Variants in USP42 observed in about 807,000 individuals in gnomAD.
The protein encoded by USP42 is ubiquitin specific peptidase 42, also known as ubiquitin carboxyl-terminal hydrolase 42.
In USP42, 23 loss-of-function variants were observed where a neutral mutation model predicts 113.0. The observed-to-expected ratio is 0.20, with a 90% CI of 0.15 to 0.29. The LOEUF (loss-of-function observed/expected upper bound fraction) is 0.29. Ranked by LOEUF, USP42 falls within the 10% of genes least tolerant of loss-of-function variation. The pLI is 1.00. For synonymous variants in USP42, 933 were observed against 699.0 expected, an observed-to-expected ratio of 1.33 and a Z score of -5.28; for missense variants, 2,174 against 1,779.8, an observed-to-expected ratio of 1.22 and a Z score of -3.99.
the USP42 span, among the ~76,000 whole-genome samples, chr7:6,091,271 C>T: frequency 1.3e-5 from 2 of 150,922 alleles, 1 homozygote; most frequent in African/African-American, 5.0e-5. Context: ...GTTGCCCAGG[C>T]TGGAGTGAAA....
intron 2 of USP42, among the ~76,000 whole-genome samples, chr7:6,112,470 AAAG>A (rs1486778969): frequency 6.6e-6 from 1 of 152,148 alleles, no homozygotes. Flanking sequence ...AAGAAAAAAA[AAAG>A]AGAGCATGTA....
intron 2 of USP42, chr7:6,112,004 C>G (rs764738787): frequency 2.6e-5 from 4 of 152,244 alleles, no homozygotes; most frequent in African/African-American, 9.7e-5. Flanking sequence ...AGTAGTTATT[C>G]TAGTTTCCTA....
intron 3 of USP42, among the ~76,000 whole-genome samples, chr7:6,124,031 G>A (rs978714495): frequency 2.0e-5 from 3 of 151,872 alleles, no homozygotes; most frequent in Admixed American, 1.3e-4. Context: ...ATGCGCCGCC[G>A]TGCCCGGCTA....
intron 3 of USP42, among the ~76,000 whole-genome samples, chr7:6,125,889 C>T (rs913381991): frequency 6.6e-6 from 1 of 151,344 alleles, no homozygotes; most frequent in African/African-American, 2.4e-5. Context: ...TTTGTGGTAA[C>T]TAGATTCACA....
intron 3 of USP42, among the ~76,000 whole-genome samples, chr7:6,129,001 AG>A (rs2128493306): frequency 1.3e-5 from 2 of 152,046 alleles, no homozygotes; most frequent in South Asian, 4.2e-4. Context: ...TTGTAGAGAC[AG>A]GGTTTCACCA....
At chr7:6,103,716 C>T (rs1418698073), upstream of USP42, among the ~76,000 whole-genome samples, 39 of 105,454 alleles carry the variant, frequency 3.7e-4, no homozygotes, top group African/African-American at 1.7e-3. Context: ...GCCTGGGCAA[C>T]ATAGCGAGAC....
intron 1 of USP42, among the ~76,000 whole-genome samples, chr7:6,105,700 A>G (rs1779241422): frequency 1.3e-5 from 2 of 152,150 alleles, no homozygotes; most frequent in Admixed American, 1.3e-4. Context: ...CCCCAAAAGC[A>G]TGTGTGCCTC....
intron 3 of USP42, among the ~76,000 whole-genome samples, chr7:6,121,866 G>C (rs192890374): frequency 1.3e-5 from 2 of 152,060 alleles, no homozygotes; most frequent in African/African-American, 4.8e-5. Context: ...TCACTATGTT[G>C]CCCAGGGTAG....
chr7:6,126,870 C>T (rs573173076), intron 3 of USP42, among the ~76,000 whole-genome samples: 1 of 152,312 alleles, frequency 6.6e-6, no homozygotes, highest in South Asian at 2.1e-4. Flanking sequence ...GTCTTCATTT[C>T]TCTGGGATAA....
Position 6,139,219 on chromosome 7 carries a change from T to C in USP42, c.656+25T>C, listed in dbSNP as rs1781318336. The C allele has an allele frequency of 1.3e-6, 2 of 1,508,654 alleles. No individual in the cohort carries two copies. The allele number at this position is 1,508,654 out of a possible 1,614,324, so 93.5% of individuals were successfully genotyped here. A position where few individuals can be genotyped will look rare whatever the true frequency, so the allele number is the denominator to read the frequency against. Reference sequence around the variant, plus strand: ...AGTAAGTACAACAGAGCGCCAGCCATGTCTTCATTGGGGATCTCTGGTTGT... The same window carrying C: ...AGTAAGTACAACAGAGCGCCAGCCACGTCTTCATTGGGGATCTCTGGTTGT... On this transcript the variant is annotated intron_variant, in intron 5 of 17. Coordinates refer to ENST00000306177, the MANE Select transcript of USP42 (RefSeq NM_032172.3). This position sits in a 1 kb window ranked among gnomAD's most constrained non-coding sequence, Gnocchi z 4.5.
intron 2 of USP42, among the ~76,000 whole-genome samples, chr7:6,113,094 G>C (rs1030845701): frequency 6.6e-6 from 1 of 151,576 alleles, no homozygotes; most frequent in Non-Finnish European, 1.5e-5. Context: ...TAGTAGAGAC[G>C]GGGTTTCACC....
rs200010499 is a variant in USP42, at chr7:6,154,091, C to T, written c.2537C>T (p.Ser846Leu). 560 of 1,605,084 alleles carry T rather than the reference C, an allele frequency of 3.5e-4. No individual in the cohort carries two copies. The highest frequency in any genetic ancestry group is 3.2e-3 in the African/African-American group (242 of 75,014). Residue 846 changes from serine to leucine, a missense_variant, in exon 15 of 18, where the codon TCG (serine) becomes TTG (leucine). Ser to Leu is a moderately radical substitution (Grantham distance 145). Transcript: ENST00000306177. ...ATGATCGCGGAGGGCCCGCGGGACT[C>T]GGCGTTGGCGGAAGCCCCGGAAGGG... ...KGMIAEGPRD[S>L]ALAEAPEGLS...
Position 6,105,031 on chromosome 7 carries a change from A to T in USP42, c.-11A>T, listed in dbSNP as rs1162662081. The T allele has an allele frequency of 3.3e-5, 5 of 150,264 alleles. No individual in the cohort carries two copies. The highest frequency in any genetic ancestry group is 1.8e-4 in the South Asian group (1 of 5,638). 9.3% of individuals were successfully genotyped at this position (150,264 alleles called of 1,614,324 possible). A position where few individuals can be genotyped will look rare whatever the true frequency, so the allele number is the denominator to read the frequency against. On this transcript the variant is annotated splice_region_variant and 5_prime_UTR_variant, in exon 1 of 18. It introduces an in-frame stop codon into an upstream open reading frame of the 5' UTR. Coordinates refer to ENST00000306177, the MANE Select transcript of USP42 (RefSeq NM_032172.3). ...GATGGAGCGAGCGCCGAGCCGGGTCAGGTAAGCTCCCGCCTCCTTCCCGCC... is the reference window on the plus strand; with the variant it reads ...GATGGAGCGAGCGCCGAGCCGGGTCTGGTAAGCTCCCGCCTCCTTCCCGCC...
chr7:6,137,783 G>C (rs576569569), intron 4 of USP42, among the ~76,000 whole-genome samples: 1 of 152,216 alleles, frequency 6.6e-6, no homozygotes, highest in Non-Finnish European at 1.5e-5. Context: ...GGATTCCAGC[G>C]ATTTCTCCTG....
chr7:6,149,032 C>G (rs964517907), intron 12 of USP42, among the ~76,000 whole-genome samples: 4 of 152,220 alleles, frequency 2.6e-5, no homozygotes, highest in Non-Finnish European at 4.4e-5. Context: ...AACTGACTTT[C>G]ACGCCTGCGC....
chr7:6,131,003 C>G (rs367767333), intron 3 of USP42, among the ~76,000 whole-genome samples: 2 of 152,072 alleles, frequency 1.3e-5, no homozygotes, highest in East Asian at 1.9e-4. Context: ...TTGCCTGGCA[C>G]CTGGCCCTGA....
At chr7:6,126,706 C>T (rs760380793) in intron 3 of USP42, among the ~76,000 whole-genome samples, 4 of 151,386 alleles carry the variant, frequency 2.6e-5, no homozygotes, top group South Asian at 2.1e-4. Context: ...TTTGGGATAT[C>T]GTGAGTAGAG....
At chr7:6,087,400 G>A in the USP42 span, among the ~76,000 whole-genome samples, 3 of 135,818 alleles carry the variant, frequency 2.2e-5, no homozygotes, top group Non-Finnish European at 4.6e-5. Context: ...ACTGGAGTGT[G>A]ATCATAGCTC....
At chr7:6,150,370 G>C (rs757974351) in intron 13 of USP42, 42 bp from the exon 14 acceptor site, 1 of 1,611,922 alleles carries the variant, frequency 6.2e-7, no homozygotes, top group South Asian at 1.1e-5. Flanking sequence ...AGGAGGCATG[G>C]AGCTGGCGAC....
Sources: allele counts gnomAD v4.1 joint callset (sites outside exome capture counted in the v4.1 genomes callset), GRCh38; gene constraint gnomAD v4.1.1; non-coding constraint Gnocchi (gnomAD v3.1); transcripts MANE v1.5; gene names NCBI Gene and HGNC (gene_info 2026-07-23, HGNC 2026-07-21).